The following ZNF454 variants were observed in gnomAD, a reference collection of about 807,000 sequenced individuals.
ZNF454 encodes zinc finger protein 454.
A neutral mutation model predicts 48.2 loss-of-function variants in ZNF454; 30 were observed. The ratio of observed to expected loss-of-function variants is 0.62; its 90% CI spans 0.47 to 0.84. The LOEUF is 0.84. ZNF454 is among the 40% of genes least tolerant of loss of function. The probability of loss-of-function intolerance (pLI) is 0.00; values close to 1 mark genes in which losing one functional copy is unlikely to be tolerated. For synonymous variants in ZNF454, 204 were observed against 211.4 expected (o/e 0.97, Z 0.30); for missense variants, 510 against 623.1 (o/e 0.82, Z 1.93).
the ZNF454 span, among the ~76,000 whole-genome samples, chr5:178,988,329 C>A: frequency 6.6e-6 from 1 of 152,090 alleles, no homozygotes; most frequent in African/African-American, 2.4e-5. The surrounding 1 kb of genome is among the most constrained non-coding windows in gnomAD (Gnocchi z 6.0). Flanking sequence ...GAGAGCATGG[C>A]GGAGAGAAGG....
At chr5:178,987,178 C>A in the ZNF454 span, 6 of 704,842 alleles carry the variant, frequency 8.5e-6, no homozygotes, top group Non-Finnish European at 1.5e-5. Context: ...CAGAAAATAA[C>A]GAGTGTTGTG....
chr5:178,957,686 G>A (rs538493156), intron 4 of ZNF454, among the ~76,000 whole-genome samples: 2 of 152,242 alleles, frequency 1.3e-5, no homozygotes, highest in South Asian at 2.1e-4. Context: ...AGCCTACCCT[G>A]AAGTGACCTG....
At chr5:178,986,154 G>T in the ZNF454 span, 1 of 1,613,730 alleles carries the variant, frequency 6.2e-7, no homozygotes, top group African/African-American at 1.3e-5. Context: ...GGCTGAAGGT[G>T]ATGACCAGCT....
chr5:178,948,155 T>C (rs1759410903), intron 4 of ZNF454: 1 of 152,112 alleles, frequency 6.6e-6, no homozygotes, highest in African/African-American at 2.4e-5. Flanking sequence ...TCTTAAGTGA[T>C]TCGCCCCCCT....
the ZNF454 span, among the ~76,000 whole-genome samples, chr5:178,982,258 T>C: frequency 6.6e-6 from 1 of 152,218 alleles, no homozygotes; most frequent in African/African-American, 2.4e-5. Flanking sequence ...AGCAATGGGC[T>C]GACGCATTAA....
At chr5:178,949,233 C>T (rs1396492289) in intron 4 of ZNF454, among the ~76,000 whole-genome samples, 1 of 151,664 alleles carries the variant, frequency 6.6e-6, no homozygotes, top group Non-Finnish European at 1.5e-5. Context: ...TGTAGTTTTA[C>T]TAGAGATGAG....
intron 4 of ZNF454, among the ~76,000 whole-genome samples, chr5:178,959,705 A>G (rs1389986528): frequency 2.0e-5 from 3 of 151,724 alleles, no homozygotes; most frequent in Admixed American, 6.6e-5. Context: ...TCCTGGGTTC[A>G]CGCCATTCTG....
At chr5:178,983,002 C>T in the ZNF454 span, 2 of 1,614,044 alleles carry the variant, frequency 1.2e-6, no homozygotes, top group South Asian at 1.1e-5. Flanking sequence ...ATGGGCTTGG[C>T]CTCGTTGAAG....
chr5:178,965,480 A>C lies in ZNF454; in HGVS notation c.1076A>C (p.Asn359Thr), dbSNP rs1472471443. Residue 359 changes from asparagine to threonine, a missense_variant, in exon 5 of 5, where the codon AAT becomes ACT. Physicochemically the swap from Asn to Thr is moderately conservative, Grantham distance 65. Coordinates refer to ENST00000519564, the MANE Select transcript of ZNF454 (RefSeq NM_001178089.3). This position sits in a 1 kb window ranked among gnomAD's most constrained non-coding sequence, Gnocchi z 5.2. ...ACTGGAGAGAAACCCTTTGAATGTA[A>C]TGAATGTGGGAAGGCCTTCAGGGTG... The part of the protein sequence containing the change: ...IHTGEKPFEC[N>T]ECGKAFRVNS... 6.2e-7 allele frequency: 1 copy of C among 1,613,984 alleles called. No individual in the cohort carries two copies. The highest frequency in any genetic ancestry group is 8.5e-7 in the Non-Finnish European group (1 of 1,180,012).
the ZNF454 span, chr5:178,985,177 A>G: frequency 4.6e-6 from 2 of 432,988 alleles, no homozygotes; most frequent in Non-Finnish European, 9.3e-6. Context: ...CCCTTGTGGA[A>G]ACAGGAAAAC....
chr5:178,985,526 G>C, the ZNF454 span: 102 of 338,324 alleles, frequency 3.0e-4, no homozygotes, highest in Non-Finnish European at 4.2e-4. Context: ...ACACGGTGAA[G>C]CCCTGTCTCT....
intron 1 of ZNF454, 137 bp from the exon 2 acceptor site, chr5:178,942,548 G>A (rs1003209727): frequency 1.6e-5 from 8 of 500,572 alleles, no homozygotes; most frequent in Non-Finnish European, 2.8e-5. Context: ...CCCTCAGAAG[G>A]AGGAGAGAGA....
the ZNF454 span, chr5:178,989,711 GAA>G: frequency 9.4e-5 from 45 of 480,180 alleles, no homozygotes; most frequent in Admixed American, 2.7e-4. Flanking sequence ...CTCACCATTT[GAA>G]AGACTTTTAT....
At chr5:178,952,902 GT>G (rs1335387219) in intron 4 of ZNF454, among the ~76,000 whole-genome samples, 1 of 151,554 alleles carries the variant, frequency 6.6e-6, no homozygotes, top group Non-Finnish European at 1.5e-5. Flanking sequence ...AGTTTATTCT[GT>G]TTTTTCCCCC....
At chr5:178,942,576 A>G (rs984595174) in intron 1 of ZNF454, 109 bp from the exon 2 acceptor site, 1 of 520,764 alleles carries the variant, frequency 1.9e-6, no homozygotes, top group Non-Finnish European at 3.4e-6. Context: ...GCAAACAGGA[A>G]CCAAAACACT....
the ZNF454 span, among the ~76,000 whole-genome samples, chr5:178,984,942 C>T: frequency 2.0e-4 from 30 of 152,248 alleles, 1 homozygote; most frequent in South Asian, 8.3e-4. Flanking sequence ...ATCTGTCTCT[C>T]GTACTCTTCA....
At chr5:178,986,748 C>T in the ZNF454 span, 33 of 1,607,752 alleles carry the variant, frequency 2.1e-5, no homozygotes, top group African/African-American at 2.7e-5. Context: ...ACTGCAGGGC[C>T]TCCACCTGGG....
In ZNF454 at chr5:178,942,820, T is replaced by G; in HGVS notation, c.29T>G (p.Val10Gly). ...GCTGTCAGCCACCTGCCAACCATGG[T>G]CCAGGTGAGTGGGGGTTTCTTCCCC... MAVSHLPTM[V>G]QESVTFKDVA... Residue 10 changes from valine to glycine, a missense_variant, in exon 2 of 5, where the codon GTC (valine) becomes GGC (glycine). Coordinates refer to ENST00000519564, the MANE Select transcript of ZNF454 (RefSeq NM_001178089.3). 1 of 1,613,308 alleles carries G rather than the reference T, an allele frequency of 6.2e-7. No individual in the cohort carries two copies. The highest frequency in any genetic ancestry group is 8.5e-7 in the Non-Finnish European group (1 of 1,179,716).
At chr5:178,983,562 G>A in the ZNF454 span, 11 of 474,658 alleles carry the variant, frequency 2.3e-5, no homozygotes, top group African/African-American at 9.6e-5. Flanking sequence ...CATTTACTGC[G>A]CCCCTTCAAG....
Sources: gnomAD v4.1 joint callset for allele counts (sites outside exome capture counted in the v4.1 genomes callset) on GRCh38, gnomAD v4.1.1 for gene constraint, Gnocchi (gnomAD v3.1) non-coding constraint, MANE v1.5 for transcripts, NCBI Gene and HGNC (gene_info 2026-07-23, HGNC 2026-07-21) for gene names.